Variants in SLAIN2 observed in about 807,000 individuals in gnomAD.
The protein encoded by SLAIN2 is SLAIN motif-containing protein 2.
SLAIN2 carries 31 observed loss-of-function variants against 56.6 expected under a neutral mutation model. That is an observed-to-expected ratio of 0.55 (90% confidence interval 0.41 to 0.74). SLAIN2 has a LOEUF of 0.74. Among genes scored for constraint, SLAIN2 ranks in the 30% least tolerant of loss-of-function variants. The pLI is 0.00. For missense variants in SLAIN2, 777 were observed against 754.2 expected (o/e 1.03, Z -0.35); for synonymous variants, 317 against 284.9 (o/e 1.11, Z -1.13).
chr4:48,373,832 G>T (rs560369729), intron 2 of SLAIN2, among the ~76,000 whole-genome samples: 5 of 152,086 alleles, frequency 3.3e-5, no homozygotes, highest in Non-Finnish European at 7.4e-5. Context: ...CCTGAGGTTG[G>T]GAGTTCGAGA....
intron 1 of SLAIN2, among the ~76,000 whole-genome samples, chr4:48,354,032 C>T (rs1411240100): frequency 6.6e-6 from 1 of 151,956 alleles, no homozygotes; most frequent in East Asian, 1.9e-4. Context: ...CAGTTTAGAG[C>T]TCTGTGACTG....
intron 6 of SLAIN2, among the ~76,000 whole-genome samples, chr4:48,410,370 C>T (rs1716813212): frequency 6.6e-6 from 1 of 151,440 alleles, no homozygotes; most frequent in African/African-American, 2.4e-5. Context: ...ATATTTTCTC[C>T]TACTCAGTGG....
intron 6 of SLAIN2, among the ~76,000 whole-genome samples, chr4:48,401,407 C>CT (rs1716552998): frequency 1.3e-5 from 2 of 152,176 alleles, no homozygotes; most frequent in South Asian, 4.1e-4. Context: ...GTGTGGGAGT[C>CT]TAAGTCTCTT....
intron 1 of SLAIN2, among the ~76,000 whole-genome samples, chr4:48,351,345 A>G (rs1200126098): frequency 3.9e-5 from 6 of 152,192 alleles, no homozygotes; most frequent in Non-Finnish European, 7.4e-5. Flanking sequence ...GCTAATACCT[A>G]TTTAGTAGAT....
chr4:48,393,089 T>C (rs1278198885), intron 6 of SLAIN2, among the ~76,000 whole-genome samples: 1 of 151,878 alleles, frequency 6.6e-6, no homozygotes, highest in East Asian at 1.9e-4. Context: ...AGATAACCCA[T>C]TGGCCGGGTG....
chr4:48,364,901 A>AG (rs1171493312), intron 1 of SLAIN2, among the ~76,000 whole-genome samples: 8 of 147,120 alleles, frequency 5.4e-5, no homozygotes, highest in African/African-American at 2.0e-4. Context: ...GGGGAGGGAG[A>AG]GGGAGAGCTG....
intron 1 of SLAIN2, among the ~76,000 whole-genome samples, chr4:48,363,465 G>A (rs1715391866): frequency 1.7e-5 from 1 of 58,552 alleles, no homozygotes; most frequent in African/African-American, 5.5e-5. Context: ...CCTACCTCCC[G>A]GACGGGGCGG....
chr4:48,376,412 G>A (rs1715811436), intron 2 of SLAIN2, among the ~76,000 whole-genome samples: 4 of 144,524 alleles, frequency 2.8e-5, no homozygotes, highest in Admixed American at 7.0e-5. Context: ...CCGAAATCAC[G>A]CCACTGCACT....
chr4:48,363,380 C>T (rs1417004347), intron 1 of SLAIN2, among the ~76,000 whole-genome samples: 41 of 79,636 alleles, frequency 5.1e-4, no homozygotes, highest in African/African-American at 1.5e-3. Flanking sequence ...GGCGGCTGGC[C>T]GGGCGGGGGG....
intron 1 of SLAIN2, 59 bp downstream of exon 1, chr4:48,342,187 C>A (rs963620615): frequency 1.5e-6 from 2 of 1,328,498 alleles, no homozygotes; most frequent in East Asian, 3.1e-5. Flanking sequence ...CGGAGAGCGT[C>A]CTCTGAGGGT....
At chr4:48,381,674 A>G (rs1205158188) in intron 4 of SLAIN2, among the ~76,000 whole-genome samples, 1 of 152,218 alleles carries the variant, frequency 6.6e-6, no homozygotes, top group African/African-American at 2.4e-5. Context: ...ATTCTCATCC[A>G]CTGGTTTGAT....
rs1715866845 is a variant in SLAIN2, at chr4:48,377,976, C to T, written c.619C>T (p.Pro207Ser). 6.2e-7 allele frequency: 1 copy of T among 1,613,722 alleles called. No individual in the cohort carries two copies. Among genetic ancestry groups the T allele is most frequent in the Admixed American group, 1.7e-5 (1 of 59,996 alleles). ...TSPYSPNASSPYSSGFNSPSS... is the reference protein window; with the variant it reads ...TSPYSPNASSSYSSGFNSPSS... ...TCCTTACAGTCCAAATGCCAGTAGCCCATACAGCAGTGGCTTCAATTCTCC... is the reference window on the plus strand; with the variant it reads ...TCCTTACAGTCCAAATGCCAGTAGCTCATACAGCAGTGGCTTCAATTCTCC... Residue 207 changes from proline to serine, a missense_variant, in exon 3 of 8, where the codon CCA (proline) becomes TCA (serine). Transcript: ENST00000264313.
At chr4:48,357,842 A>G (rs1007470089) in intron 1 of SLAIN2, among the ~76,000 whole-genome samples, 10 of 152,106 alleles carry the variant, frequency 6.6e-5, no homozygotes, top group African/African-American at 2.2e-4. Context: ...GGCATGAGCC[A>G]CCGCACCCGG....
In SLAIN2 at chr4:48,423,113, C is replaced by G. The variant is rs564966700; in HGVS notation, c.*1036C>G. 5.9e-5 allele frequency: 9 copies of G among 152,232 alleles called. No homozygotes were observed. The East Asian group carries it at 1.4e-3, about 23-fold the overall frequency. The allele number at this position is 152,232 out of a possible 1,614,324, so 9.4% of individuals were successfully genotyped here. A position where few individuals can be genotyped will look rare whatever the true frequency, so the allele number is the denominator to read the frequency against. Reference sequence around the variant, plus strand: ...TCTGGTGATGACAGTTGTATTGTTGCTATTACATGGCATAACGGTCTATTA... The same window carrying G: ...TCTGGTGATGACAGTTGTATTGTTGGTATTACATGGCATAACGGTCTATTA... On this transcript the variant is annotated 3_prime_UTR_variant, in exon 8 of 8. Coordinates refer to ENST00000264313, the MANE Select transcript of SLAIN2 (RefSeq NM_020846.2).
At chr4:48,381,151 A>G (rs1008891904) in intron 4 of SLAIN2, among the ~76,000 whole-genome samples, 1 of 152,166 alleles carries the variant, frequency 6.6e-6, no homozygotes, top group Non-Finnish European at 1.5e-5. Context: ...CATTTCTTTG[A>G]ACCCTGGCTT....
chr4:48,414,541 T>G (rs2109787135), intron 6 of SLAIN2, among the ~76,000 whole-genome samples: 1 of 135,664 alleles, frequency 7.4e-6, no homozygotes. Flanking sequence ...GCAATGCAAT[T>G]GGTGTGGTAT....
At position 48,374,387 on chromosome 4, in the gene SLAIN2, C is replaced by G. The variant is rs555931708; in HGVS notation, c.539-3509C>G. Among the ~76,000 whole-genome samples the G allele has an allele frequency of 3.9e-5, 6 of 152,100 alleles. No homozygotes were observed. The East Asian group carries it at 1.2e-3, about 30-fold the overall frequency. ...GAGTAGCTGGGATTACAGGTGCCTG[C>G]CACCAGACCCAGCTAATTTTTTTTG... On this transcript the variant is annotated intron_variant, in intron 2 of 7. Transcript: ENST00000264313.
chr4:48,415,596 G>T (rs1716980556), intron 6 of SLAIN2, among the ~76,000 whole-genome samples: 1 of 80,084 alleles, frequency 1.2e-5, no homozygotes, highest in African/African-American at 4.0e-5. Flanking sequence ...GGCTTTTGTT[G>T]CCATTGCTTT....
In SLAIN2 at chr4:48,382,798, C is replaced by T; in HGVS notation, c.1093C>T (p.Arg365Ter). The T allele has an allele frequency of 1.2e-6, 2 of 1,613,796 alleles. No homozygotes were observed. Among genetic ancestry groups the T allele is most frequent in the Non-Finnish European group, 1.7e-6 (2 of 1,179,852 alleles). ...GTCACCCAGAAATTCACCTCGTTCACGATCTCCTGCTCGGGGAATAGAATA... is the reference window on the plus strand; with the variant it reads ...GTCACCCAGAAATTCACCTCGTTCATGATCTCCTGCTCGGGGAATAGAATA... ...KQSPRNSPRS[R>*]SPARGIEYSR... Residue 365 changes from arginine (R) to a stop codon, truncating the protein, a stop_gained, in exon 5 of 8, where the codon CGA (arginine) becomes TGA (stop). Transcript: ENST00000264313. LOFTEE classifies it high-confidence loss of function.
Sources: allele counts gnomAD v4.1 joint callset (sites outside exome capture counted in the v4.1 genomes callset), GRCh38; gene constraint gnomAD v4.1.1; transcripts MANE v1.5; gene names NCBI Gene and HGNC (gene_info 2026-07-23, HGNC 2026-07-21).